Variants in PTPRO observed in about 807,000 individuals in gnomAD.
The protein encoded by PTPRO is receptor-type tyrosine-protein phosphatase O.
Under a neutral mutation model 145.2 loss-of-function variants are expected in PTPRO, and 62 were observed. The observed-to-expected ratio is 0.43, with a 90% CI of 0.35 to 0.53. PTPRO has a LOEUF of 0.53. PTPRO is among the 20% of genes least tolerant of loss of function. The probability of loss-of-function intolerance (pLI) is 0.01; values close to 1 mark genes in which losing one functional copy is unlikely to be tolerated. For synonymous variants in PTPRO, 565 were observed against 514.7 expected, an observed-to-expected ratio of 1.10 and a Z score of -1.32; for missense variants, 1,345 against 1,482.7, an observed-to-expected ratio of 0.91 and a Z score of 1.53.
At chr12:15,499,666 T>C in intron 4 of PTPRO, 72 bp downstream of exon 4, 1 of 1,486,508 alleles carries the variant, frequency 6.7e-7, no homozygotes, top group African/African-American at 1.4e-5. Flanking sequence ...TTATTTTTTA[T>C]CCTAAGAAAT....
chr12:15,381,116 A>G (rs913821989), intron 1 of PTPRO, among the ~76,000 whole-genome samples: 6 of 152,182 alleles, frequency 3.9e-5, no homozygotes, highest in African/African-American at 1.4e-4. Context: ...TTGAAAATAA[A>G]AGTCATCTAG....
At chr12:15,445,029 A>G (rs1045950482) in intron 1 of PTPRO, among the ~76,000 whole-genome samples, 1 of 152,178 alleles carries the variant, frequency 6.6e-6, no homozygotes, top group Non-Finnish European at 1.5e-5. Flanking sequence ...CATATAATGC[A>G]ATCACTTAAA....
At chr12:15,459,128 A>G (rs1454714091) in intron 1 of PTPRO, among the ~76,000 whole-genome samples, 1 of 152,232 alleles carries the variant, frequency 6.6e-6, no homozygotes, top group Admixed American at 6.5e-5. Context: ...GACAGAAGCC[A>G]GTTCCTCAGG....
At chr12:15,349,546 T>C (rs1200310397) in intron 1 of PTPRO, among the ~76,000 whole-genome samples, 1 of 152,258 alleles carries the variant, frequency 6.6e-6, no homozygotes, top group Non-Finnish European at 1.5e-5. Context: ...TGGCTATGTG[T>C]CAGCAACTAT....
chr12:15,328,466 C>T (rs185702877), intron 1 of PTPRO, among the ~76,000 whole-genome samples: 107 of 152,104 alleles, frequency 7.0e-4, no homozygotes, highest in African/African-American at 2.6e-3. Flanking sequence ...AACAAGGTTG[C>T]GGGGATTTCC....
At chr12:15,479,528 C>T (rs560385579) in intron 1 of PTPRO, among the ~76,000 whole-genome samples, 1 of 152,288 alleles carries the variant, frequency 6.6e-6, no homozygotes, top group East Asian at 1.9e-4. Flanking sequence ...GTTTCTTGAT[C>T]TTTTCTTCAA....
chr12:15,372,160 G>A (rs754452853), intron 1 of PTPRO, among the ~76,000 whole-genome samples: 6 of 152,054 alleles, frequency 3.9e-5, no homozygotes, highest in Non-Finnish European at 5.9e-5. Flanking sequence ...TGTGTCAAGC[G>A]TTTGTGGCAT....
intron 1 of PTPRO, among the ~76,000 whole-genome samples, chr12:15,444,664 C>T (rs774592453): frequency 5.3e-5 from 8 of 151,880 alleles, no homozygotes; most frequent in Non-Finnish European, 1.5e-5. Flanking sequence ...TATTTGTTCC[C>T]TTATAAAGGA....
At chr12:15,526,582 T>C (rs1486294397) in intron 12 of PTPRO, among the ~76,000 whole-genome samples, 2 of 152,180 alleles carry the variant, frequency 1.3e-5, no homozygotes, top group Non-Finnish European at 2.9e-5. Flanking sequence ...AAGACAACAT[T>C]CTATTTTCAT....
At chr12:15,513,278 G>A (rs1012033064) in intron 7 of PTPRO, among the ~76,000 whole-genome samples, 6 of 105,920 alleles carry the variant, frequency 5.7e-5, no homozygotes, top group Admixed American at 2.0e-4. Flanking sequence ...GAAGGAGGGA[G>A]GGAGGGAAGG....
chr12:15,335,658 C>T (rs1253207076), intron 1 of PTPRO, among the ~76,000 whole-genome samples: 1 of 152,004 alleles, frequency 6.6e-6, no homozygotes, highest in Non-Finnish European at 1.5e-5. Flanking sequence ...CTTTGGAATT[C>T]ATTCTAAAAA....
rs1943879168 is a variant in PTPRO at position 15,565,645 on chromosome 12, A to G, written c.2747+17A>G. The stretch of plus-strand genomic sequence containing the variant: ...ACTGACAAAGTAAGTTTTTCTTACT[A>G]TGTCATTTAAAAGGATGTTTGTTAT... On this transcript the variant is annotated intron_variant, in intron 18 of 26. Coordinates refer to ENST00000281171, the MANE Select transcript of PTPRO (RefSeq NM_030667.3). The G allele has an allele frequency of 7.1e-7, 1 of 1,402,372 alleles. No homozygotes were observed. Among genetic ancestry groups the G allele is most frequent in the Non-Finnish European group, 1.0e-6 (1 of 992,604 alleles). The allele number at this position is 1,402,372 out of a possible 1,614,324, so 86.9% of individuals were successfully genotyped here.
chr12:15,567,807 T>C (rs1943938974), intron 18 of PTPRO, among the ~76,000 whole-genome samples: 1 of 152,170 alleles, frequency 6.6e-6, no homozygotes. Context: ...GTGAGAATTC[T>C]ACTGCTTAGT....
At chr12:15,370,983 T>C (rs1938509947) in intron 1 of PTPRO, among the ~76,000 whole-genome samples, 1 of 152,156 alleles carries the variant, frequency 6.6e-6, no homozygotes, top group African/African-American at 2.4e-5. Flanking sequence ...ACAACATGGA[T>C]AATGTACATA....
chr12:15,519,427 C>T (rs182401398), intron 9 of PTPRO, among the ~76,000 whole-genome samples: 1 of 152,086 alleles, frequency 6.6e-6, no homozygotes, highest in African/African-American at 2.4e-5. Flanking sequence ...TTGGGATTCT[C>T]TTTTGTTTTG....
At position 15,504,041 on chromosome 12, in the gene PTPRO, G is replaced by A. The variant is rs1207773206; in HGVS notation, c.1239G>A (p.Gln413=). ...GATCTTGTGAAACTCGAAAAAGTCA[G>A]TCAGCAAAATCACTCAGCTTTTATA... ...SSGSCETRKS[Q]SAKSLSFYIS... is the part of the protein sequence containing the mutation. The change falls in exon 6 of 27, where the codon CAG becomes CAA. Residue 413 remains glutamine, a synonymous_variant. Transcript: ENST00000281171. 1 of 1,613,084 alleles carries A rather than the reference G, an allele frequency of 6.2e-7. No homozygotes were observed. Among genetic ancestry groups the A allele is most frequent in the African/African-American group, 1.3e-5 (1 of 74,906 alleles).
rs2136461736 is a variant in PTPRO, at chr12:15,497,225, C to T, written c.350-20C>T. Reference sequence around the variant, plus strand: ...CTCTCCTCTTTCTTTTCCCTTTCTCCATTTACTTCACTTCTGTAGAACCTC... The same window carrying T: ...CTCTCCTCTTTCTTTTCCCTTTCTCTATTTACTTCACTTCTGTAGAACCTC... On this transcript the variant is annotated intron_variant, in intron 2 of 26. Coordinates refer to ENST00000281171, the MANE Select transcript of PTPRO (RefSeq NM_030667.3). The T allele has an allele frequency of 6.5e-7, 1 of 1,540,146 alleles. No individual in the cohort carries two copies. Among genetic ancestry groups the T allele is most frequent in the East Asian group, 2.3e-5 (1 of 44,412 alleles).
rs375620981 is a variant in PTPRO, at chr12:15,524,799, G to A, written c.1892-15G>A. ...CATCTATTATACTAAATTGTGCCTC[G>A]TTTCTCCCTTGTAGCCCCAGTGGCT... is the stretch of plus-strand genomic sequence containing the variant. On this transcript the variant is annotated splice_polypyrimidine_tract_variant and intron_variant, in intron 10 of 26. Coordinates refer to ENST00000281171, the MANE Select transcript of PTPRO (RefSeq NM_030667.3). The A allele has an allele frequency of 1.4e-5, 22 of 1,608,544 alleles. No individual in the cohort carries two copies. The African/African-American group carries it at 2.1e-4, about 16-fold the overall frequency.
At chr12:15,396,825 G>T (rs879763843) in intron 1 of PTPRO, among the ~76,000 whole-genome samples, 9 of 152,112 alleles carry the variant, frequency 5.9e-5, no homozygotes, top group Non-Finnish European at 1.2e-4. Context: ...CAATAAAAAT[G>T]GACTTAATCT....
Sources: allele counts gnomAD v4.1 joint callset (sites outside exome capture counted in the v4.1 genomes callset), GRCh38; gene constraint gnomAD v4.1.1; transcripts MANE v1.5; gene names NCBI Gene and HGNC (gene_info 2026-07-23, HGNC 2026-07-21).